The following KANSL1L variants were observed in gnomAD, a reference collection of about 807,000 sequenced individuals.
KANSL1L encodes KAT8 regulatory NSL complex subunit 1 like, also known as KAT8 regulatory NSL complex subunit 1-like protein.
KANSL1L carries 25 observed loss-of-function variants against 108.6 expected under a neutral mutation model. That is an observed-to-expected ratio of 0.23 (90% CI 0.17 to 0.32). The LOEUF (loss-of-function observed/expected upper bound fraction) is 0.32. Ranked by LOEUF, KANSL1L falls within the 10% of genes least tolerant of loss-of-function variation. The pLI, the probability that KANSL1L is intolerant of heterozygous loss-of-function variation, is 1.00. For synonymous variants in KANSL1L, 405 were observed against 395.1 expected (o/e 1.03, Z -0.30); for missense variants, 1,137 against 1,125.7 (o/e 1.01, Z -0.14).
intron 2 of KANSL1L, among the ~76,000 whole-genome samples, chr2:210,138,066 C>G (rs2095190895): frequency 6.6e-6 from 1 of 151,920 alleles, no homozygotes; most frequent in Admixed American, 6.6e-5. Context: ...TAAGGTACAT[C>G]TATTAGAAAC....
chr2:210,087,038 T>A (rs12617077), intron 5 of KANSL1L, among the ~76,000 whole-genome samples: 38,636 of 151,198 alleles, frequency 0.26, 5,076 homozygotes, highest in Non-Finnish European at 0.29. Context: ...ATTTTATTTT[T>A]TTTTTTTTGA....
chr2:210,131,495 A>G (rs1416118198), intron 2 of KANSL1L, among the ~76,000 whole-genome samples: 2 of 152,154 alleles, frequency 1.3e-5, no homozygotes, highest in East Asian at 1.9e-4. Flanking sequence ...ATGATTAGTG[A>G]ATAATGAAAT....
intron 8 of KANSL1L, among the ~76,000 whole-genome samples, chr2:210,039,360 T>C (rs1160286700): frequency 6.6e-6 from 1 of 151,864 alleles, no homozygotes; most frequent in Non-Finnish European, 1.5e-5. Flanking sequence ...TCGTTAAGTT[T>C]GATTAAAAAT....
chr2:210,085,664 C>T (rs2094630479), intron 5 of KANSL1L, among the ~76,000 whole-genome samples: 1 of 151,928 alleles, frequency 6.6e-6, no homozygotes, highest in South Asian at 2.1e-4. Context: ...ATACCCTTCA[C>T]ATCTTTTTTC....
In KANSL1L at chr2:210,171,362, T is replaced by A. The variant is rs771711904; in HGVS notation, c.-243A>T. 4 of 173,426 alleles carry A rather than the reference T, an allele frequency of 2.3e-5. No individual in the cohort carries two copies. Among genetic ancestry groups the A allele is most frequent in the African/African-American group, 7.2e-5 (3 of 41,610 alleles). The allele number at this position is 173,426 out of a possible 1,614,324, so 10.7% of individuals were successfully genotyped here. A position where few individuals can be genotyped will look rare whatever the true frequency, so the allele number is the denominator to read the frequency against. On this transcript the variant is annotated 5_prime_UTR_variant, in exon 1 of 15. Coordinates refer to ENST00000281772, the MANE Select transcript of KANSL1L (RefSeq NM_152519.4). ...CGCCGCGGTTTAACAGTCCGCCCGC[T>A]GCCCGCAGCTCCGTGCGGCTCGGGG... is the stretch of plus-strand genomic sequence containing the variant.
At chr2:210,046,536 G>GA (rs2094224946) in intron 6 of KANSL1L, among the ~76,000 whole-genome samples, 1 of 152,034 alleles carries the variant, frequency 6.6e-6, no homozygotes, top group Admixed American at 6.6e-5. Flanking sequence ...AGAAAGAAAT[G>GA]ACAGGTTTTG....
intron 6 of KANSL1L, among the ~76,000 whole-genome samples, chr2:210,073,779 A>C (rs1320995751): frequency 3.0e-5 from 4 of 131,950 alleles, no homozygotes. Context: ...ACACAAACAC[A>C]CACACACACA....
In KANSL1L at chr2:210,022,894, C is replaced by CTTTA; in HGVS notation, c.*51_*54dup. ...AGGGGATGGGGGATCCAGAACAGGG[C>CTTTA]TTTATTTCCTCCCATCTTTCCTACA... On this transcript the variant is annotated 3_prime_UTR_variant, in exon 15 of 15. Transcript: ENST00000281772. The CTTTA allele has an allele frequency of 8.1e-7, 1 of 1,234,394 alleles. No individual in the cohort carries two copies. Among genetic ancestry groups the CTTTA allele is most frequent in the Non-Finnish European group, 1.2e-6 (1 of 842,924 alleles). The allele number at this position is 1,234,394 out of a possible 1,614,324, so 76.5% of individuals were successfully genotyped here.
chr2:210,145,329 C>G, intron 2 of KANSL1L, among the ~76,000 whole-genome samples: 1 of 152,162 alleles, frequency 6.6e-6, no homozygotes, highest in African/African-American at 2.4e-5. Flanking sequence ...AATTTGGGTT[C>G]TGGAGCATGA....
intron 6 of KANSL1L, among the ~76,000 whole-genome samples, chr2:210,056,178 C>T (rs1208399106): frequency 1.3e-5 from 2 of 152,210 alleles, no homozygotes; most frequent in East Asian, 1.9e-4. Context: ...TAAGCCTTGG[C>T]AGCTTACGTG....
intron 2 of KANSL1L, among the ~76,000 whole-genome samples, chr2:210,135,157 C>G (rs1043957443): frequency 1.3e-5 from 2 of 152,006 alleles, no homozygotes; most frequent in East Asian, 3.9e-4. Flanking sequence ...TACCATCATA[C>G]AAGAAGCAAG....
intron 1 of KANSL1L, among the ~76,000 whole-genome samples, chr2:210,160,547 G>T (rs1559616345): frequency 6.6e-6 from 1 of 152,184 alleles, no homozygotes; most frequent in East Asian, 1.9e-4. Context: ...ACTAGAAATA[G>T]AAATTTTTAA....
At chr2:210,169,552 A>G (rs944109494) in intron 1 of KANSL1L, among the ~76,000 whole-genome samples, 4 of 152,204 alleles carry the variant, frequency 2.6e-5, no homozygotes, top group African/African-American at 4.8e-5. Flanking sequence ...AAAATAATCG[A>G]TTGTTATTTG....
At position 210,022,612 on chromosome 2, in the gene KANSL1L, G is replaced by GTATA. The variant is rs71043966; in HGVS notation, c.*333_*336dup. ...TTGGCACACAGGTTTGTATGTATGT[G>GTATA]TATATATATATGTATGTATGTATGG... On this transcript the variant is annotated 3_prime_UTR_variant, in exon 15 of 15. Transcript: ENST00000281772. 1.3e-4 allele frequency: 30 copies of GTATA among 237,790 alleles called. No individual in the cohort carries two copies. Among genetic ancestry groups the GTATA allele is most frequent in the African/African-American group, 3.9e-4 (17 of 43,302 alleles). 14.7% of individuals were successfully genotyped at this position (237,790 alleles called of 1,614,324 possible). A position where few individuals can be genotyped will look rare whatever the true frequency, so the allele number is the denominator to read the frequency against.
chr2:210,165,186 ACC>A (rs1559620059), intron 1 of KANSL1L, among the ~76,000 whole-genome samples: 1 of 141,868 alleles, frequency 7.0e-6, no homozygotes, highest in South Asian at 2.2e-4. Flanking sequence ...TAAAAAAAAA[ACC>A]AAAAAACAAA....
At chr2:210,067,329 G>A (rs943911342) in intron 6 of KANSL1L, among the ~76,000 whole-genome samples, 12 of 151,800 alleles carry the variant, frequency 7.9e-5, no homozygotes, top group African/African-American at 1.5e-4. Flanking sequence ...CTCTTTCTCC[G>A]GAGAGCCTTT....
At chr2:210,068,878 T>C (rs1195318223) in intron 6 of KANSL1L, among the ~76,000 whole-genome samples, 3 of 152,214 alleles carry the variant, frequency 2.0e-5, no homozygotes, top group Admixed American at 1.3e-4. Flanking sequence ...GCTTAGATGA[T>C]TGATTGGATC....
intron 5 of KANSL1L, among the ~76,000 whole-genome samples, chr2:210,085,934 T>TA (rs1351577026): frequency 2.0e-5 from 3 of 150,024 alleles, no homozygotes; most frequent in African/African-American, 7.3e-5. Context: ...TAATAATTAT[T>TA]ATATATAATA....
chr2:210,055,609 A>C (rs2094341612), intron 6 of KANSL1L, among the ~76,000 whole-genome samples: 1 of 152,206 alleles, frequency 6.6e-6, no homozygotes, highest in African/African-American at 2.4e-5. Flanking sequence ...TGGACAATGA[A>C]GTCCAGGCTG....
Sources: allele counts gnomAD v4.1 joint callset (sites outside exome capture counted in the v4.1 genomes callset), GRCh38; gene constraint gnomAD v4.1.1; transcripts MANE v1.5; gene names NCBI Gene and HGNC (gene_info 2026-07-23, HGNC 2026-07-21).